NPAT: variants seen among roughly 807,000 people sequenced by gnomAD.
NPAT encodes the protein protein NPAT.
NPAT carries 52 observed loss-of-function variants against 130.7 expected under a neutral mutation model. The observed-to-expected ratio is 0.40, with a 90% CI of 0.32 to 0.50. The LOEUF (loss-of-function observed/expected upper bound fraction) is 0.50. NPAT is among the 20% of genes least tolerant of loss of function. The pLI, the probability that NPAT is intolerant of heterozygous loss-of-function variation, is 0.68. For synonymous variants in NPAT, 580 were observed against 584.8 expected (o/e 0.99, Z 0.12); for missense variants, 1,687 against 1,662.6 (o/e 1.01, Z -0.26).
At chr11:108,166,331 G>A (rs1156783184) in intron 15 of NPAT, among the ~76,000 whole-genome samples, 3 of 152,134 alleles carry the variant, frequency 2.0e-5, no homozygotes, top group African/African-American at 7.2e-5. Context: ...GGCGAAGGTA[G>A]CAGTGAGCTG....
At chr11:108,175,391 T>C (rs1231406961) in intron 12 of NPAT, among the ~76,000 whole-genome samples, 1 of 152,202 alleles carries the variant, frequency 6.6e-6, no homozygotes, top group African/African-American at 2.4e-5. Context: ...AATGTGACAC[T>C]TGCTGCTGAG....
chr11:108,190,855 T>C (rs1351840168), intron 4 of NPAT, among the ~76,000 whole-genome samples: 2 of 152,196 alleles, frequency 1.3e-5, no homozygotes, highest in Non-Finnish European at 2.9e-5. Flanking sequence ...AGAGGATCAC[T>C]TGAGGCCGAG....
intron 2 of NPAT, among the ~76,000 whole-genome samples, chr11:108,196,047 C>G (rs1419675799): frequency 6.6e-6 from 1 of 152,208 alleles, no homozygotes; most frequent in Non-Finnish European, 1.5e-5. Context: ...AACTCACTGT[C>G]AAATCCAACT....
rs1478281654 is a variant in NPAT at position 108,157,271 on chromosome 11, T to G, written c.*1671A>C. The G allele has an allele frequency of 6.6e-6, 1 of 152,184 alleles. No homozygotes were observed. The highest frequency in any genetic ancestry group is 1.5e-5 in the Non-Finnish European group (1 of 67,996). 9.4% of individuals were successfully genotyped at this position (152,184 alleles called of 1,614,324 possible). ...TTTCAGTGCTTAGTACATACAACTA[T>G]GAATTGAATAAGAAGAAAACTGTGA... On this transcript the variant is annotated 3_prime_UTR_variant, in exon 18 of 18. Coordinates refer to ENST00000278612, the MANE Select transcript of NPAT (RefSeq NM_002519.3).
chr11:108,170,446 C>T (rs896547063), intron 13 of NPAT, among the ~76,000 whole-genome samples: 1 of 152,156 alleles, frequency 6.6e-6, no homozygotes, highest in East Asian at 1.9e-4. Flanking sequence ...AAAATTACAA[C>T]CCCAACTGAA....
intron 1 of NPAT, among the ~76,000 whole-genome samples, chr11:108,212,154 A>G (rs2078390026): frequency 1.3e-5 from 2 of 152,130 alleles, no homozygotes; most frequent in African/African-American, 2.4e-5. Flanking sequence ...GGAAAAGGTA[A>G]GAAGGTCTGT....
In NPAT at chr11:108,172,820, C is replaced by T; in HGVS notation, c.2164G>A (p.Asp722Asn). Residue 722 changes from aspartate to asparagine, a missense_variant, in exon 13 of 18, where the codon GAT (aspartate) becomes AAT (asparagine). Asp to Asn is a conservative substitution (Grantham distance 23, BLOSUM62 1). Coordinates refer to ENST00000278612, the MANE Select transcript of NPAT (RefSeq NM_002519.3). ...DSHPESQNTDDKPSSNNSAEI... is the reference protein window; with the variant it reads ...DSHPESQNTDNKPSSNNSAEI... ...GCTGAGTTGTTGCTAGAAGGTTTAT[C>T]ATCAGTATTTTGGGACTCAGGGTGA... is the stretch of plus-strand genomic sequence containing the variant. The T allele has an allele frequency of 6.2e-7, 1 of 1,613,798 alleles. No homozygotes were observed. Among genetic ancestry groups the T allele is most frequent in the Non-Finnish European group, 8.5e-7 (1 of 1,180,028 alleles).
Position 108,176,323 on chromosome 11 carries a change from A to C in NPAT, c.1055T>G (p.Met352Arg). Residue 352 changes from methionine to arginine, a missense_variant, in exon 12 of 18, where the codon ATG becomes AGG. Met to Arg is a moderately conservative substitution (Grantham distance 91, BLOSUM62 -1). Transcript: ENST00000278612. ...TAAGACTATACTGGGATTGGATTCCATAGGTTGACTGGAAATACTTTGTGA... is the reference window on the plus strand; with the variant it reads ...TAAGACTATACTGGGATTGGATTCCCTAGGTTGACTGGAAATACTTTGTGA... ...NISQSISSQP[M>R]ESNPSIVLAD... is the part of the protein sequence containing the mutation. 2 of 1,566,516 alleles carry C rather than the reference A, an allele frequency of 1.3e-6. No homozygotes were observed. Among genetic ancestry groups the C allele is most frequent in the Non-Finnish European group, 1.8e-6 (2 of 1,136,890 alleles).
intron 4 of NPAT, among the ~76,000 whole-genome samples, chr11:108,191,453 A>G (rs2078168408): frequency 6.6e-6 from 1 of 152,188 alleles, no homozygotes; most frequent in African/African-American, 2.4e-5. Flanking sequence ...CTCCAACAAG[A>G]TCCACAAAAC....
intron 2 of NPAT, among the ~76,000 whole-genome samples, chr11:108,194,743 G>C (rs1457115712): frequency 6.6e-6 from 1 of 152,104 alleles, no homozygotes; most frequent in East Asian, 1.9e-4. Context: ...TCGAACTCCT[G>C]GCTTCAAGCC....
rs1219756387 is a variant in NPAT, at chr11:108,161,184, G to A, written c.3902C>T (p.Thr1301Ile). The A allele has an allele frequency of 6.2e-7, 1 of 1,614,126 alleles. No individual in the cohort carries two copies. The highest frequency in any genetic ancestry group is 1.1e-5 in the South Asian group (1 of 91,084). Residue 1301 changes from threonine (T) to isoleucine (I), a missense_variant, in exon 17 of 18, where the codon ACA becomes ATA. By Grantham distance (89) the Thr-to-Ile change is moderately conservative. Around this residue, in one of 3 missense-constraint regions of NPAT, gnomAD observed 1,379 missense variants for 1,346.6 expected, o/e 1.02. Transcript: ENST00000278612. ...GACAGGAGGGACCATTACTTTTGATGTACTACTGTCTTCACTGAAACGCCT... is the reference window on the plus strand; with the variant it reads ...GACAGGAGGGACCATTACTTTTGATATACTACTGTCTTCACTGAAACGCCT... The part of the protein sequence containing the change: ...SSRRFSEDSS[T>I]SKVMVPPVTP...
intron 1 of NPAT, among the ~76,000 whole-genome samples, chr11:108,221,927 G>C (rs2078509741): frequency 6.6e-6 from 1 of 152,160 alleles, no homozygotes; most frequent in Non-Finnish European, 1.5e-5. Flanking sequence ...AAAGGAACAG[G>C]AATTGCTGTT....
chr11:108,204,850 CAG>C (rs2078310627), intron 1 of NPAT, among the ~76,000 whole-genome samples: 1 of 152,234 alleles, frequency 6.6e-6, no homozygotes, highest in African/African-American at 2.4e-5. Context: ...GAAAAGTGAA[CAG>C]AGTCTCAGAG....
At chr11:108,170,091 G>GT in intron 13 of NPAT, 48 bp from the exon 14 acceptor site, 2 of 1,258,716 alleles carry the variant, frequency 1.6e-6, no homozygotes, top group Non-Finnish European at 2.3e-6. Context: ...GAAATGTTTT[G>GT]GCACAAAACA....
intron 6 of NPAT, 123 bp downstream of exon 6, chr11:108,188,983 T>C (rs935339053): frequency 9.1e-6 from 7 of 771,618 alleles, no homozygotes; most frequent in Non-Finnish European, 1.6e-5. Flanking sequence ...CCACTTTTAG[T>C]CTCTCTCATC....
chr11:108,180,412 AACAG>A (rs1259805406), intron 10 of NPAT, among the ~76,000 whole-genome samples: 2 of 152,226 alleles, frequency 1.3e-5, no homozygotes, highest in Admixed American at 6.5e-5. Flanking sequence ...AAATAACTTA[AACAG>A]ACATTTATCC....
chr11:108,189,442 G>A (rs2078141808), intron 5 of NPAT, 112 bp from the exon 6 acceptor site: 1 of 864,694 alleles, frequency 1.2e-6, no homozygotes, highest in Admixed American at 1.8e-5. Context: ...TCCACAGATT[G>A]AAGAATGATT....
At chr11:108,206,039 T>C (rs562001252) in intron 1 of NPAT, among the ~76,000 whole-genome samples, 8 of 152,330 alleles carry the variant, frequency 5.3e-5, no homozygotes, top group Non-Finnish European at 1.0e-4. Context: ...AGCGAGACCC[T>C]GTCTCAAAAA....
intron 17 of NPAT, among the ~76,000 whole-genome samples, chr11:108,159,410 T>G (rs1489118923): frequency 1.3e-5 from 2 of 152,172 alleles, no homozygotes; most frequent in East Asian, 1.9e-4. Flanking sequence ...TTATGTATAC[T>G]ACATTTAGAC....
Sources: allele counts gnomAD v4.1 joint callset (sites outside exome capture counted in the v4.1 genomes callset), GRCh38; gene constraint gnomAD v4.1.1; regional missense constraint gnomAD v4.1.1; transcripts MANE v1.5; gene names NCBI Gene and HGNC (gene_info 2026-07-23, HGNC 2026-07-21).